MBOAT4: variants seen among roughly 807,000 people sequenced by gnomAD.
The protein encoded by MBOAT4 is membrane bound ghrelin O-acyltransferase MBOAT4.
In MBOAT4, 11 loss-of-function variants were observed where a neutral mutation model predicts 13.2. That is an observed-to-expected ratio of 0.84 (90% CI 0.53 to 1.38). MBOAT4 has a LOEUF of 1.38. MBOAT4 is among the 40% of genes most tolerant of loss of function. MBOAT4 has a pLI of 0.00. For synonymous variants in MBOAT4, 202 were observed against 210.3 expected (o/e 0.96, Z 0.34); for missense variants, 481 against 527.2 (o/e 0.91, Z 0.86).
chr8:30,132,629 T>A lies in MBOAT4; in HGVS notation c.622A>T (p.Arg208Trp). 1 of 1,551,768 alleles carries A rather than the reference T, an allele frequency of 6.4e-7. No homozygotes were observed. The change falls in exon 3 of 3, where the codon AGG becomes TGG. Residue 208 changes from arginine (R) to tryptophan (W), a missense_variant. Coordinates refer to ENST00000320542, the MANE Select transcript of MBOAT4 (RefSeq NM_001100916.2). ...PRHSFWALSWRGLQILGLECL... is the reference protein window; with the variant it reads ...PRHSFWALSWWGLQILGLECL... ...TCTAGTCCAAGAATCTGCAGACCCCTCCAGCTCAGAGCCCAGAAAGAGTGT... is the reference window on the plus strand; with the variant it reads ...TCTAGTCCAAGAATCTGCAGACCCCACCAGCTCAGAGCCCAGAAAGAGTGT...
rs141665954 is a variant in MBOAT4 at position 30,138,884 on chromosome 8, G to C, written c.120-128C>G. On this transcript the variant is annotated intron_variant, in intron 1 of 2. Transcript: ENST00000320542. ...AACACCTAAAGTAGCCATGCTGTTT[G>C]CACTCTGGGGCCTTCCTTTTGTTCT... is the stretch of plus-strand genomic sequence containing the variant. 9 of 625,330 alleles carry C rather than the reference G, an allele frequency of 1.4e-5. No homozygotes were observed. In the East Asian group the frequency reaches 2.2e-4, roughly 15 times the overall value. The allele number at this position is 625,330 out of a possible 1,614,324, so 38.7% of individuals were successfully genotyped here.
intron 2 of MBOAT4, chr8:30,137,706 G>T: frequency 1.7e-6 from 1 of 578,550 alleles, no homozygotes; most frequent in South Asian, 2.1e-5. Context: ...CTCATTTTGG[G>T]AGGAACTTAG....
At chr8:30,134,438 A>AC (rs1803095866) in intron 2 of MBOAT4, among the ~76,000 whole-genome samples, 1 of 152,048 alleles carries the variant, frequency 6.6e-6, no homozygotes, top group South Asian at 2.1e-4. Context: ...ACAAAACAAA[A>AC]AAAAAAACAA....
At position 30,132,724 on chromosome 8, in the gene MBOAT4, A is replaced by G. The variant is rs965721315; in HGVS notation, c.527T>C (p.Leu176Pro). Residue 176 changes from leucine to proline, a missense_variant, in exon 3 of 3, where the codon CTG (leucine) becomes CCG (proline). Physicochemically the swap from Leu to Pro is moderately conservative, Grantham distance 98 (BLOSUM62 -3). Coordinates refer to ENST00000320542, the MANE Select transcript of MBOAT4 (RefSeq NM_001100916.2). ...CTGGAAGGAGCACAGAGAGCCTCCC[A>G]GGAGAGCAGGGAAAAAGAGCAAGTA... ...FSYLLFFPAL[L>P]GGSLCSFQRF... is the part of the protein sequence containing the mutation. The G allele has an allele frequency of 6.4e-6, 10 of 1,551,584 alleles. No individual in the cohort carries two copies. Among genetic ancestry groups the G allele is most frequent in the Admixed American group, 2.0e-5 (1 of 50,986 alleles).
At position 30,132,183 on chromosome 8, in the gene MBOAT4, T is replaced by C; in HGVS notation, c.1068A>G (p.Glu356=). The part of the protein sequence containing the change: ...FGFVCWAVMV[E]ADYLIHSFAN... ...CAAAGGAGTGAATCAGGTAGTCAGC[T>C]TCCACCATCACGGCCCAGCAAACGA... The change falls in exon 3 of 3, where the codon GAA becomes GAG. Residue 356 remains glutamate, a synonymous_variant. Transcript: ENST00000320542. 2.6e-6 allele frequency: 4 copies of C among 1,551,866 alleles called. No homozygotes were observed. The African/African-American group carries it at 5.5e-5, about 21-fold the overall frequency.
rs1488748728 is a variant in MBOAT4, at chr8:30,138,683, T to G, written c.193A>C (p.Thr65Pro). ...AGAGCCACAGCGCAGACAGCAGGGG[T>G]GAAGACGAGCACGGCGTAGGAACCC... ...AMGSYAVLVFTPAVCAVALLC... is the reference protein window; with the variant it reads ...AMGSYAVLVFPPAVCAVALLC... Residue 65 changes from threonine (T) to proline (P), a missense_variant, in exon 2 of 3, where the codon ACC (threonine) becomes CCC (proline). Physicochemically the swap from Thr to Pro is conservative, Grantham distance 38. Coordinates refer to ENST00000320542, the MANE Select transcript of MBOAT4 (RefSeq NM_001100916.2). The G allele has an allele frequency of 6.4e-7, 1 of 1,550,976 alleles. No homozygotes were observed. The highest frequency in any genetic ancestry group is 2.0e-5 in the Admixed American group (1 of 50,986).
intron 2 of MBOAT4, among the ~76,000 whole-genome samples, chr8:30,135,701 C>A (rs1803124790): frequency 6.6e-6 from 1 of 151,892 alleles, no homozygotes; most frequent in South Asian, 2.1e-4. Flanking sequence ...ATCACTTGAG[C>A]CCAGGAGTTT....
At chr8:30,143,303 G>A (rs12334379) in intron 1 of MBOAT4, among the ~76,000 whole-genome samples, 131,676 of 150,066 alleles carry the variant, frequency 0.88, 58,343 homozygotes, top group Middle Eastern at 0.96. Context: ...AGCCGAGATC[G>A]TGCCACTGCA....
chr8:30,137,380 C>A, intron 2 of MBOAT4: 1 of 1,551,696 alleles, frequency 6.4e-7, no homozygotes, highest in African/African-American at 1.4e-5. Context: ...AAGATTGTTA[C>A]CTGCAAGCAG....
Position 30,132,912 on chromosome 8 carries a change from A to G in MBOAT4, c.345-6T>C, listed in dbSNP as rs1344666577. 1 of 1,499,850 alleles carries G rather than the reference A, an allele frequency of 6.7e-7. No individual in the cohort carries two copies. The highest frequency in any genetic ancestry group is 2.5e-5 in the East Asian group (1 of 40,474). The allele number at this position is 1,499,850 out of a possible 1,614,324, so 92.9% of individuals were successfully genotyped here. A position where few individuals can be genotyped will look rare whatever the true frequency, so the allele number is the denominator to read the frequency against. The stretch of plus-strand genomic sequence containing the variant: ...AAGAAAGAGTGATGCAGAACCTGCA[A>G]GATAATTTTTTAAAGAACATAAAAA... On this transcript the variant is annotated splice_region_variant and splice_polypyrimidine_tract_variant and intron_variant, in intron 2 of 2. Transcript: ENST00000320542.
intron 1 of MBOAT4, among the ~76,000 whole-genome samples, chr8:30,143,853 G>A (rs1019513408): frequency 5.3e-5 from 8 of 152,098 alleles, no homozygotes; most frequent in Admixed American, 4.6e-4. Context: ...GAGATCCATG[G>A]TTGACAGAGA....
intron 2 of MBOAT4, chr8:30,137,712 C>G: frequency 1.7e-6 from 1 of 575,202 alleles, no homozygotes; most frequent in South Asian, 2.1e-5. Flanking sequence ...TTGGGAGGAA[C>G]TTAGTTAATA....
At chr8:30,143,366 A>AAAAAT (rs1803294696) in intron 1 of MBOAT4, among the ~76,000 whole-genome samples, 1 of 20,456 alleles carries the variant, frequency 4.9e-5, no homozygotes, top group African/African-American at 8.4e-5. Flanking sequence ...AAAAAAAAAA[A>AAAAAT]ATATATATAT....
chr8:30,132,357 C>G lies in MBOAT4; in HGVS notation c.894G>C (p.Arg298Ser). 3 of 1,551,776 alleles carry G rather than the reference C, an allele frequency of 1.9e-6. No individual in the cohort carries two copies. Among genetic ancestry groups the G allele is most frequent in the Non-Finnish European group, 2.6e-6 (3 of 1,147,020 alleles). ...TCCACTTTCTTGAGAACACAGATAT[C>G]CTGTGGGTTCTTTCCAGGGTCCAGA... is the stretch of plus-strand genomic sequence containing the variant. ...ADIWTLERTH[R>S]ISVFSRKWNQ... The change falls in exon 3 of 3, where the codon AGG becomes AGC. Residue 298 changes from arginine to serine, a missense_variant. Transcript: ENST00000320542.
At chr8:30,139,880 A>G (rs1347413277) in intron 1 of MBOAT4, among the ~76,000 whole-genome samples, 1 of 152,164 alleles carries the variant, frequency 6.6e-6, no homozygotes, top group Non-Finnish European at 1.5e-5. Flanking sequence ...GGATCACTTG[A>G]GCCCATGAGT....
In MBOAT4 at chr8:30,132,372, C is replaced by CA. The variant is rs766457294; in HGVS notation, c.878dup (p.Glu294GlyfsTer65). On this transcript the variant is annotated frameshift_variant, in exon 3 of 3. Transcript: ENST00000320542. LOFTEE classifies it low-confidence loss of function (END_TRUNC). The stretch of plus-strand genomic sequence containing the variant: ...ACACAGATATCCTGTGGGTTCTTTC[C>CA]AGGGTCCAGATGTCTGCATCGGGGA... The CA allele has an allele frequency of 9.0e-6, 14 of 1,551,606 alleles. No homozygotes were observed. The South Asian group carries it at 1.7e-4, about 18-fold the overall frequency.
At chr8:30,133,661 T>A (rs185479806) in intron 2 of MBOAT4, among the ~76,000 whole-genome samples, 2 of 151,510 alleles carry the variant, frequency 1.3e-5, no homozygotes, top group Admixed American at 1.3e-4. Flanking sequence ...CATGGCTGGG[T>A]GCAGTGGGTC....
chr8:30,141,518 A>G (rs1803260185), intron 1 of MBOAT4, among the ~76,000 whole-genome samples: 2 of 152,102 alleles, frequency 1.3e-5, no homozygotes, highest in South Asian at 2.1e-4. Flanking sequence ...GGCCCCTGTA[A>G]TCCCAGCTAC....
rs1439952751 is a variant in MBOAT4, at chr8:30,131,849, T to C, written c.*94A>G. ...TCCAAAACTTTAGAAAAAATTTTAT[T>C]ATGGAAAAGTTCAAATGTATGCATT... On this transcript the variant is annotated 3_prime_UTR_variant, in exon 3 of 3. Transcript: ENST00000320542. The C allele has an allele frequency of 1.2e-5, 17 of 1,417,682 alleles. No individual in the cohort carries two copies. The East Asian group carries it at 1.5e-4, about 13-fold the overall frequency. The allele number at this position is 1,417,682 out of a possible 1,614,324, so 87.8% of individuals were successfully genotyped here.
Sources: gnomAD v4.1 joint callset for allele counts (sites outside exome capture counted in the v4.1 genomes callset) on GRCh38, gnomAD v4.1.1 for gene constraint, MANE v1.5 for transcripts, NCBI Gene and HGNC (gene_info 2026-07-23, HGNC 2026-07-21) for gene names.